Variants in PHF6 observed in about 807,000 individuals in gnomAD.
PHF6 encodes the protein PHD finger protein 6.
In PHF6, 7 loss-of-function variants were observed where a neutral mutation model predicts 34.0. The ratio of observed to expected loss-of-function variants is 0.21; its 90% CI spans 0.12 to 0.39. The LOEUF (loss-of-function observed/expected upper bound fraction) is 0.39, where lower values mean the gene tolerates loss of function less well. PHF6 is among the 10% of genes least tolerant of loss of function. The probability of loss-of-function intolerance (pLI) is 1.00; values close to 1 mark genes in which losing one functional copy is unlikely to be tolerated. For synonymous variants in PHF6, 89 were observed against 88.4 expected (o/e 1.01, Z -0.04); for missense variants, 128 against 262.8 (o/e 0.49, Z 3.55).
At chrX:134,414,912 GATT>G in intron 7 of PHF6, 101 bp from the exon 8 acceptor site, 1 of 648,035 alleles carries the variant, frequency 1.5e-6, no homozygotes, top group East Asian at 3.5e-5. Context: ...ATTAAGGAAA[GATT>G]ATCTTTCTTC....
At chrX:134,387,257 A>G (rs1025615199) in intron 3 of PHF6, among the ~76,000 whole-genome samples, 1 of 111,952 alleles carries the variant, frequency 8.9e-6, no homozygotes, top group Non-Finnish European at 1.9e-5. Flanking sequence ...ATTACTGAAT[A>G]CATTTTTTTA....
chrX:134,375,149 C>G lies in PHF6; in HGVS notation c.-47+1682C>G, dbSNP rs373239691. 1.3e-4 allele frequency among the ~76,000 whole-genome samples: 15 copies of G among 111,547 alleles called. No homozygotes were observed. The East Asian group carries it at 2.0e-3, about 15-fold the overall frequency. ...TTTACAAGGAGACTAAAAAAATTAC[C>G]AAGATATGCGCAGATGTATTATTTG... On this transcript the variant is annotated intron_variant, in intron 1 of 10. Coordinates refer to ENST00000370803, the MANE Select transcript of PHF6 (RefSeq NM_001015877.2).
At chrX:134,414,628 C>T (rs1273887858) in intron 7 of PHF6, among the ~76,000 whole-genome samples, 1 of 105,495 alleles carries the variant, frequency 9.5e-6, no homozygotes, top group Non-Finnish European at 2.0e-5. Context: ...GAATAGATCT[C>T]GTATATGTCT....
intron 8 of PHF6, 39 bp downstream of exon 8, chrX:134,415,159 G>C: frequency 8.3e-7 from 1 of 1,206,987 alleles, no homozygotes. Flanking sequence ...CATTACACTT[G>C]ATTTGCTGCT....
intron 3 of PHF6, among the ~76,000 whole-genome samples, chrX:134,390,990 T>G (rs1467422914): frequency 2.8e-5 from 3 of 107,861 alleles, no homozygotes; most frequent in Non-Finnish European, 5.8e-5. Context: ...TTTTTTTTTT[T>G]TGTGATGGAG....
chrX:134,414,987 G>A (rs768551967), intron 7 of PHF6, 29 bp from the exon 8 acceptor site: 2 of 1,140,379 alleles, frequency 1.8e-6, no homozygotes, highest in Non-Finnish European at 2.4e-6. Context: ...GATTCTGAAT[G>A]TTAATTTTCC....
chrX:134,398,084 A>C (rs2077384662), intron 5 of PHF6, among the ~76,000 whole-genome samples: 1 of 111,969 alleles, frequency 8.9e-6, no homozygotes, highest in Non-Finnish European at 1.9e-5. Context: ...GAATTGATAG[A>C]AAGCTATGTA....
At chrX:134,406,111 T>C (rs2077423603) in intron 5 of PHF6, among the ~76,000 whole-genome samples, 1 of 95,251 alleles carries the variant, frequency 1.0e-5, no homozygotes, top group South Asian at 4.8e-4. Context: ...TCTTTCTTTC[T>C]TTTTTTTTTT....
At chrX:134,393,826 A>G in intron 4 of PHF6, 83 bp from the exon 5 acceptor site, 1 of 902,566 alleles carries the variant, frequency 1.1e-6, no homozygotes, top group South Asian at 2.0e-5. Flanking sequence ...GAATTGGGTG[A>G]AGTGTACTGC....
intron 5 of PHF6, among the ~76,000 whole-genome samples, chrX:134,403,544 C>A (rs2077411355): frequency 8.9e-6 from 1 of 112,388 alleles, no homozygotes; most frequent in South Asian, 3.6e-4. Flanking sequence ...AGAAACTATA[C>A]TGAGTTATAC....
At chrX:134,407,432 A>T (rs912504419) in intron 5 of PHF6, among the ~76,000 whole-genome samples, 13 of 112,442 alleles carry the variant, frequency 1.2e-4, no homozygotes, top group African/African-American at 4.2e-4. Context: ...CTGAAAACTT[A>T]CAAGTCATAA....
At chrX:134,406,062 T>TTTTCTTTCTCTCTTTCTTTC (rs2077422239) in intron 5 of PHF6, among the ~76,000 whole-genome samples, 1 of 78,076 alleles carries the variant, frequency 1.3e-5, no homozygotes, top group African/African-American at 4.8e-5. Flanking sequence ...TCCTTTTTCT[T>TTTTCTTTCTCTCTTTCTTTC]TTTCTTTCTT....
intron 3 of PHF6, among the ~76,000 whole-genome samples, chrX:134,384,355 G>A (rs965133718): frequency 2.6e-4 from 29 of 111,774 alleles, no homozygotes; most frequent in African/African-American, 9.1e-4. Context: ...CAGATAGGAA[G>A]GGATGGGGAA....
At chrX:134,421,224 CCTT>C (rs748128711) in intron 9 of PHF6, among the ~76,000 whole-genome samples, 129 of 111,865 alleles carry the variant, frequency 1.2e-3, no homozygotes, top group Non-Finnish European at 1.9e-3. Flanking sequence ...ACATCACCAT[CCTT>C]CTGCTCACCC....
At chrX:134,384,813 G>A (rs751313776) in intron 3 of PHF6, among the ~76,000 whole-genome samples, 3,757 of 109,994 alleles carry the variant, frequency 0.034, 70 homozygotes, top group Non-Finnish European at 0.053. Flanking sequence ...CACCGCTCCT[G>A]GCTAATTTTT....
chrX:134,381,750 C>G (rs139859148), intron 3 of PHF6, among the ~76,000 whole-genome samples: 9 of 110,547 alleles, frequency 8.1e-5, no homozygotes, highest in Non-Finnish European at 1.7e-4. Context: ...CTCGGCCTCC[C>G]AAAGTGCTGG....
chrX:134,376,610 A>G (rs2077279062), intron 1 of PHF6, among the ~76,000 whole-genome samples: 1 of 111,928 alleles, frequency 8.9e-6, no homozygotes, highest in Admixed American at 9.5e-5. Flanking sequence ...TCAGAAAAAA[A>G]TTTCTTCCTT....
intron 3 of PHF6, among the ~76,000 whole-genome samples, chrX:134,379,401 T>G (rs910242655): frequency 3.8e-5 from 4 of 104,858 alleles, no homozygotes; most frequent in East Asian, 3.0e-4. Flanking sequence ...AGCTCTGGGG[T>G]TTTTTTTTCC....
chrX:134,379,432 CTTTTTTTTTTTTT>C (rs34099570), intron 3 of PHF6, among the ~76,000 whole-genome samples: 2 of 26,276 alleles, frequency 7.6e-5, no homozygotes, highest in Non-Finnish European at 1.1e-4. Context: ...CTTTTCTTTT[CTTTTTTTTTTTTT>C]TTTTTTTTTT....
Sources: gnomAD v4.1 joint callset for allele counts (sites outside exome capture counted in the v4.1 genomes callset) on GRCh38, gnomAD v4.1.1 for gene constraint, MANE v1.5 for transcripts, NCBI Gene and HGNC (gene_info 2026-07-23, HGNC 2026-07-21) for gene names.